Variants in NCAM2 observed in about 807,000 individuals in gnomAD.
NCAM2 encodes N-CAM-2.
Under a neutral mutation model 98.1 loss-of-function variants are expected in NCAM2, and 30 were observed. The ratio of observed to expected loss-of-function variants is 0.31; its 90% CI spans 0.23 to 0.41. The LOEUF (loss-of-function observed/expected upper bound fraction) is 0.41. Ranked by LOEUF, NCAM2 falls within the 10% of genes least tolerant of loss-of-function variation. The pLI is 1.00. For missense variants in NCAM2, 867 were observed against 1,005.8 expected, an observed-to-expected ratio of 0.86 and a Z score of 1.87; for synonymous variants, 368 against 342.4, an observed-to-expected ratio of 1.07 and a Z score of -0.83.
At chr21:21,156,808 T>C (rs759560018) in intron 1 of NCAM2, among the ~76,000 whole-genome samples, 4 of 152,072 alleles carry the variant, frequency 2.6e-5, no homozygotes, top group Non-Finnish European at 5.9e-5. Flanking sequence ...TACAATTACA[T>C]GTGTAATGTA....
At chr21:21,177,944 G>T (rs953019555) in intron 1 of NCAM2, among the ~76,000 whole-genome samples, 1 of 151,936 alleles carries the variant, frequency 6.6e-6, no homozygotes, top group Non-Finnish European at 1.5e-5. Context: ...AATAAAAATA[G>T]AATATTTTGT....
At chr21:21,507,683 G>C (rs1014177024) in intron 15 of NCAM2, among the ~76,000 whole-genome samples, 1 of 151,178 alleles carries the variant, frequency 6.6e-6, no homozygotes, top group Non-Finnish European at 1.5e-5. Flanking sequence ...TCAGCTACTC[G>C]GGAGGCTGAG....
chr21:21,410,493 ATTATT>A (rs776461718), intron 10 of NCAM2, 32 bp downstream of exon 10: 76 of 1,263,164 alleles, frequency 6.0e-5, no homozygotes, highest in Admixed American at 2.1e-4. Context: ...AATAAATTGT[ATTATT>A]TTAACAACTA....
chr21:21,086,918 A>G (rs1195999208), intron 1 of NCAM2, among the ~76,000 whole-genome samples: 4 of 151,702 alleles, frequency 2.6e-5, no homozygotes. Context: ...GATTTTTTCA[A>G]ATTGAATTTC....
chr21:21,479,608 A>ATT lies in NCAM2; in HGVS notation c.2077+2138_2077+2139dup, dbSNP rs869177226. On this transcript the variant is annotated intron_variant, in intron 15 of 17. Transcript: ENST00000400546. The stretch of plus-strand genomic sequence containing the variant: ...CAAAAAAAAAAAAAAAAAAAAAAAA[A>ATT]TTGTTGATGATAAAAACCAACAATA... 4.4e-3 allele frequency among the ~76,000 whole-genome samples: 561 copies of ATT among 127,972 alleles called. 13 individuals carry two copies. The highest frequency in any genetic ancestry group is 8.3e-3 in the South Asian group (35 of 4,210). 84.0% of individuals were successfully genotyped at this position (127,972 alleles called of 152,430 possible).
chr21:21,098,733 G>A (rs1026368415), intron 1 of NCAM2, among the ~76,000 whole-genome samples: 3 of 151,774 alleles, frequency 2.0e-5, no homozygotes, highest in Non-Finnish European at 4.4e-5. Context: ...TTATCTGAAT[G>A]TTTATTAACT....
chr21:21,311,178 T>G (rs962437074), intron 5 of NCAM2, among the ~76,000 whole-genome samples: 1 of 152,208 alleles, frequency 6.6e-6, no homozygotes, highest in Non-Finnish European at 1.5e-5. Context: ...AAAAGAATTT[T>G]ACTTTTTTTC....
At chr21:21,170,175 C>A (rs956879641) in intron 1 of NCAM2, among the ~76,000 whole-genome samples, 7 of 152,118 alleles carry the variant, frequency 4.6e-5, no homozygotes, top group Non-Finnish European at 7.4e-5. Flanking sequence ...ATAGTACAGC[C>A]ACTTTGGAAA....
intron 8 of NCAM2, among the ~76,000 whole-genome samples, chr21:21,350,810 G>A (rs571616745): frequency 3.3e-5 from 5 of 151,944 alleles, no homozygotes; most frequent in South Asian, 2.1e-4. Flanking sequence ...TATCTAGGTC[G>A]GGTGCGGTGG....
chr21:21,036,697 G>A (rs1215360632), intron 1 of NCAM2, among the ~76,000 whole-genome samples: 1 of 152,156 alleles, frequency 6.6e-6, no homozygotes, highest in Non-Finnish European at 1.5e-5. Flanking sequence ...TTGGGACCAA[G>A]TTTCCCTGGA....
chr21:21,252,069 A>T (rs1312304186), intron 1 of NCAM2, among the ~76,000 whole-genome samples: 1 of 152,070 alleles, frequency 6.6e-6, no homozygotes, highest in Admixed American at 6.6e-5. Context: ...TCAAAAGAAG[A>T]CATTATGTGG....
intron 11 of NCAM2, among the ~76,000 whole-genome samples, chr21:21,426,732 C>A (rs1308365015): frequency 6.6e-6 from 1 of 152,100 alleles, no homozygotes; most frequent in Non-Finnish European, 1.5e-5. Context: ...TGCGCACCTC[C>A]TGAGAAAAGT....
At chr21:21,219,511 G>A (rs1194498200) in intron 1 of NCAM2, among the ~76,000 whole-genome samples, 1 of 152,182 alleles carries the variant, frequency 6.6e-6, no homozygotes, top group East Asian at 1.9e-4. Flanking sequence ...ACATCATGGT[G>A]AAAACACATT....
chr21:21,093,734 T>C (rs575755819), intron 1 of NCAM2, among the ~76,000 whole-genome samples: 11 of 152,152 alleles, frequency 7.2e-5, no homozygotes, highest in African/African-American at 2.6e-4. Flanking sequence ...AGTAATTCCC[T>C]TGATGTTCTT....
At chr21:21,164,683 A>C (rs1177225566) in intron 1 of NCAM2, among the ~76,000 whole-genome samples, 2 of 152,128 alleles carry the variant, frequency 1.3e-5, no homozygotes, top group African/African-American at 2.4e-5. Context: ...AGTTAAGTTT[A>C]AGTTAATTTA....
chr21:21,265,124 AT>A (rs1568855945), intron 1 of NCAM2, among the ~76,000 whole-genome samples: 4 of 9,528 alleles, frequency 4.2e-4, no homozygotes, highest in East Asian at 1.9e-3. Context: ...ACATACATAT[AT>A]TATATATACA....
At chr21:21,026,867 T>G (rs2064559688) in intron 1 of NCAM2, among the ~76,000 whole-genome samples, 1 of 148,832 alleles carries the variant, frequency 6.7e-6, no homozygotes, top group African/African-American at 2.5e-5. Flanking sequence ...TTTTTTTTTT[T>G]TTTTTTTGAG....
chr21:21,047,887 G>A (rs975345027), intron 1 of NCAM2, among the ~76,000 whole-genome samples: 1 of 152,072 alleles, frequency 6.6e-6, no homozygotes, highest in African/African-American at 2.4e-5. Flanking sequence ...TCATCACATG[G>A]ATTTTATTTA....
At chr21:21,197,921 A>T (rs1207378667) in intron 1 of NCAM2, among the ~76,000 whole-genome samples, 1 of 152,114 alleles carries the variant, frequency 6.6e-6, no homozygotes, top group Non-Finnish European at 1.5e-5. Flanking sequence ...CAAAATACTG[A>T]GTTTGAATGT....
Sources: allele counts gnomAD v4.1 joint callset (sites outside exome capture counted in the v4.1 genomes callset), GRCh38; gene constraint gnomAD v4.1.1; transcripts MANE v1.5; gene names NCBI Gene and HGNC (gene_info 2026-07-23, HGNC 2026-07-21).